The following LCP2 variants were observed in gnomAD, a reference collection of about 807,000 sequenced individuals.
LCP2 encodes lymphocyte cytosolic protein 2, also known as 76 kDa tyrosine phosphoprotein.
LCP2 carries 29 observed loss-of-function variants against 74.5 expected under a neutral mutation model. The ratio of observed to expected loss-of-function variants is 0.39; its 90% CI spans 0.29 to 0.53. LCP2 has a LOEUF of 0.53. LCP2 is among the 20% of genes least tolerant of loss of function. LCP2 has a pLI of 0.72. For missense variants in LCP2, 604 were observed against 634.6 expected (o/e 0.95, Z 0.52); for synonymous variants, 228 against 229.5 (o/e 0.99, Z 0.06).
chr5:170,261,272 C>G (rs1761645345), intron 13 of LCP2, 135 bp from the exon 14 acceptor site: 4 of 677,964 alleles, frequency 5.9e-6, no homozygotes, highest in Non-Finnish European at 1.1e-5. Flanking sequence ...AAGCAACAGA[C>G]CCCCACAGAG....
intron 3 of LCP2, among the ~76,000 whole-genome samples, chr5:170,281,426 CCTG>C (rs941927253): frequency 1.1e-4 from 16 of 152,106 alleles, no homozygotes; most frequent in South Asian, 2.1e-4. Context: ...ACTACAGGTG[CCTG>C]CCACCACACT....
At chr5:170,276,895 G>A (rs1026469974) in intron 3 of LCP2, among the ~76,000 whole-genome samples, 3 of 151,882 alleles carry the variant, frequency 2.0e-5, no homozygotes, top group African/African-American at 7.3e-5. Flanking sequence ...GGCCAACATG[G>A]TGAAACCCCG....
In LCP2 at chr5:170,247,824, A is replaced by G. The variant is rs1761332954; in HGVS notation, c.*873T>C. On this transcript the variant is annotated 3_prime_UTR_variant, in exon 21 of 21. Transcript: ENST00000046794. The stretch of plus-strand genomic sequence containing the variant: ...GTCTTCCCAGGAAGCCTTTGGTAAA[A>G]TCTATATCCCTGGACAATGCTTTTG... 1 of 152,206 alleles carries G rather than the reference A, an allele frequency of 6.6e-6. No individual in the cohort carries two copies. The highest frequency in any genetic ancestry group is 1.5e-5 in the Non-Finnish European group (1 of 68,058). The allele number at this position is 152,206 out of a possible 1,614,324, so 9.4% of individuals were successfully genotyped here.
rs1761352623 is a variant in LCP2, at chr5:170,248,625, T to C, written c.*72A>G. 2 of 1,569,684 alleles carry C rather than the reference T, an allele frequency of 1.3e-6. No homozygotes were observed. The highest frequency in any genetic ancestry group is 1.4e-5 in the African/African-American group (1 of 73,470). ...CAGTTCAGTCCTAAGTGTTTGTCCA[T>C]TGACCAAGGCTGATTGATCTCGTGT... On this transcript the variant is annotated 3_prime_UTR_variant, in exon 21 of 21. Transcript: ENST00000046794.
intron 2 of LCP2, among the ~76,000 whole-genome samples, chr5:170,291,608 C>A (rs1181630203): frequency 6.6e-6 from 1 of 152,218 alleles, no homozygotes; most frequent in African/African-American, 2.4e-5. Flanking sequence ...TTCTACCAGG[C>A]CTGACACTCG....
rs1761775528 is a variant in LCP2, at chr5:170,267,074, G to A, written c.623C>T (p.Pro208Leu). ...GTGGTTGGTCTGGGGTGGGGGCAGT[G>A]GCTGCATAAAGATCCAAACGTTAGG... ...PPPPAGRNHS[P>L]LPPPQTNHEE... Residue 208 changes from proline to leucine, a missense_variant and splice_region_variant, in exon 9 of 21, where the codon CCA (proline) becomes CTA (leucine). Coordinates refer to ENST00000046794, the MANE Select transcript of LCP2 (RefSeq NM_005565.5). 6.2e-7 allele frequency: 1 copy of A among 1,613,674 alleles called. No individual in the cohort carries two copies.
At chr5:170,264,689 C>G (rs1435789105) in intron 10 of LCP2, among the ~76,000 whole-genome samples, 1 of 152,090 alleles carries the variant, frequency 6.6e-6, no homozygotes, top group Non-Finnish European at 1.5e-5. Flanking sequence ...ACCTCAGCCC[C>G]TTGGGAGGCT....
At chr5:170,284,643 G>C (rs1561976683) in intron 3 of LCP2, among the ~76,000 whole-genome samples, 1 of 151,654 alleles carries the variant, frequency 6.6e-6, no homozygotes, top group Admixed American at 6.6e-5. Context: ...ATGTCTTCAA[G>C]TGTTTTATTT....
At chr5:170,286,439 T>C (rs1762184029) in intron 3 of LCP2, among the ~76,000 whole-genome samples, 1 of 152,250 alleles carries the variant, frequency 6.6e-6, no homozygotes, top group African/African-American at 2.4e-5. Flanking sequence ...GAAAGTTCCC[T>C]CTTTTGCAAA....
intron 3 of LCP2, among the ~76,000 whole-genome samples, chr5:170,277,759 A>AAG (rs1390671217): frequency 7.2e-6 from 1 of 138,174 alleles, no homozygotes; most frequent in Admixed American, 7.2e-5. Context: ...AAAAAAAAAA[A>AAG]AAAAGAAAGA....
chr5:170,283,809 C>G (rs898983483), intron 3 of LCP2, among the ~76,000 whole-genome samples: 1 of 152,192 alleles, frequency 6.6e-6, no homozygotes, highest in African/African-American at 2.4e-5. Context: ...GTAATATGTT[C>G]CCATTTCTAG....
chr5:170,266,742 G>T, intron 10 of LCP2, 66 bp downstream of exon 10: 1 of 1,321,036 alleles, frequency 7.6e-7, no homozygotes, highest in Non-Finnish European at 1.1e-6. Context: ...CATGTGAAAC[G>T]TATGCAGGAA....
At chr5:170,280,641 G>C (rs1255588133) in intron 3 of LCP2, among the ~76,000 whole-genome samples, 1 of 152,150 alleles carries the variant, frequency 6.6e-6, no homozygotes, top group Non-Finnish European at 1.5e-5. Context: ...AGTTTTACAT[G>C]GAGTGTTTTC....
rs1173086393 is a variant in LCP2, at chr5:170,248,414, G to A, written c.*283C>T. ...GTGTAAACTACTGTATTTTGAAATGGGCATTAAATAATCTTTTAAAAAATG... is the reference window on the plus strand; with the variant it reads ...GTGTAAACTACTGTATTTTGAAATGAGCATTAAATAATCTTTTAAAAAATG... On this transcript the variant is annotated 3_prime_UTR_variant, in exon 21 of 21. Transcript: ENST00000046794. The A allele has an allele frequency of 1.1e-5, 3 of 275,602 alleles. No homozygotes were observed. The East Asian group carries it at 3.9e-4, about 36-fold the overall frequency. The allele number at this position is 275,602 out of a possible 1,614,324, so 17.1% of individuals were successfully genotyped here.
At chr5:170,293,840 A>T (rs930196410) in intron 1 of LCP2, among the ~76,000 whole-genome samples, 1 of 152,250 alleles carries the variant, frequency 6.6e-6, no homozygotes, top group African/African-American at 2.4e-5. Context: ...GATAATATAA[A>T]CACTGCCTAG....
At chr5:170,257,958 C>G in intron 16 of LCP2, 79 bp downstream of exon 16, 1 of 1,488,380 alleles carries the variant, frequency 6.7e-7, no homozygotes, top group Non-Finnish European at 9.3e-7. Context: ...CCTTCTTTCT[C>G]AATCTGCCTG....
At chr5:170,253,831 A>G (rs1471163301) in intron 17 of LCP2, among the ~76,000 whole-genome samples, 3 of 152,220 alleles carry the variant, frequency 2.0e-5, no homozygotes, top group African/African-American at 4.8e-5. Flanking sequence ...CTGGGCAACT[A>G]TTAATTACCC....
intron 5 of LCP2, among the ~76,000 whole-genome samples, chr5:170,274,850 G>A: frequency 6.6e-6 from 1 of 152,060 alleles, no homozygotes; most frequent in South Asian, 2.1e-4. Flanking sequence ...GGTGGCGGGT[G>A]CCTGTAGTCC....
rs768283841 is a variant in LCP2 at position 170,256,559 on chromosome 5, G to T, written c.1117C>A (p.Gln373Lys). 1.9e-6 allele frequency: 3 copies of T among 1,612,556 alleles called. No individual in the cohort carries two copies. In the African/African-American group the frequency reaches 4.0e-5, roughly 22 times the overall value. Residue 373 changes from glutamine (Q) to lysine (K), a missense_variant, in exon 17 of 21, where the codon CAG (glutamine) becomes AAG (lysine). Gln to Lys is a moderately conservative substitution (Grantham distance 53). Transcript: ENST00000046794. The surrounding 1 kb of genome is among the most constrained non-coding windows in gnomAD (Gnocchi z 4.5). ...AFSESNSSFP[Q>K]SASLPPYFSQ... ...AAGTATGGTGGCAGGGAGGCACTCT[G>T]TGGAAAACTGCTGTTACTGAGGAGA...
Sources: allele counts gnomAD v4.1 joint callset (sites outside exome capture counted in the v4.1 genomes callset), GRCh38; gene constraint gnomAD v4.1.1; non-coding constraint Gnocchi (gnomAD v3.1); transcripts MANE v1.5; gene names NCBI Gene and HGNC (gene_info 2026-07-23, HGNC 2026-07-21).